The following STAMBPL1 variants were observed in gnomAD, a reference collection of about 807,000 sequenced individuals.
The protein encoded by STAMBPL1 is AMSH-like protease.
A neutral mutation model predicts 52.9 loss-of-function variants in STAMBPL1; 44 were observed. The ratio of observed to expected loss-of-function variants is 0.83; its 90% CI spans 0.65 to 1.07. The LOEUF (loss-of-function observed/expected upper bound fraction) is 1.07. Among genes scored for constraint, STAMBPL1 ranks in the 50% least tolerant of loss-of-function variants. The probability of loss-of-function intolerance (pLI) is 0.00; values close to 1 mark genes in which losing one functional copy is unlikely to be tolerated. For synonymous variants in STAMBPL1, 164 were observed against 177.3 expected (o/e 0.92, Z 0.60); for missense variants, 511 against 520.8 (o/e 0.98, Z 0.18).
intron 2 of STAMBPL1, among the ~76,000 whole-genome samples, chr10:88,902,598 C>T (rs777548428): frequency 2.0e-5 from 3 of 151,588 alleles, no homozygotes; most frequent in Admixed American, 6.6e-5. Context: ...GAGGCGGAGT[C>T]TCGCTCTGTC....
chr10:88,887,471 T>C (rs1005244051), intron 1 of STAMBPL1, among the ~76,000 whole-genome samples: 3 of 152,158 alleles, frequency 2.0e-5, no homozygotes, highest in Admixed American at 1.3e-4. Flanking sequence ...TAAGAAAATG[T>C]CCTCCATCCC....
intron 5 of STAMBPL1, 30 bp downstream of exon 5, chr10:88,911,041 A>C (rs1211672171): frequency 1.2e-5 from 17 of 1,364,578 alleles, no homozygotes; most frequent in South Asian, 4.1e-5. Context: ...TTATTTCATG[A>C]CTATTTTATG....
chr10:88,916,576 C>G, intron 7 of STAMBPL1, 104 bp from the exon 8 acceptor site: 1 of 1,190,278 alleles, frequency 8.4e-7, no homozygotes, highest in Non-Finnish European at 1.1e-6. Flanking sequence ...CTGGACACAC[C>G]CCCCTGCTGG....
chr10:88,896,862 G>GCA lies in STAMBPL1; in HGVS notation c.-53-4782_-53-4781dup, dbSNP rs139436965. On this transcript the variant is annotated intron_variant, in intron 1 of 10. Coordinates refer to ENST00000371926, the MANE Select transcript of STAMBPL1 (RefSeq NM_020799.4). Reference sequence around the variant, plus strand: ...CAAACACACACATACATGCACGCACGCACACACACACACTATTTTAAGAAA... The same window carrying GCA: ...CAAACACACACATACATGCACGCACGCACACACACACACACTATTTTAAGAAA... 4.1e-4 allele frequency among the ~76,000 whole-genome samples: 62 copies of GCA among 150,910 alleles called. No individual in the cohort carries two copies. The South Asian group carries it at 0.012, about 29-fold the overall frequency.
chr10:88,922,602 T>C (rs11596205), intron 10 of STAMBPL1, among the ~76,000 whole-genome samples, 166 bp downstream of exon 10: 14,312 of 152,294 alleles, frequency 0.094, 896 homozygotes, highest in Non-Finnish European at 0.14. Context: ...ATTTCTGATT[T>C]ATTCTCAAAA....
rs1348438291 is a variant in STAMBPL1 at position 88,910,900 on chromosome 10, T to A, written c.325-16T>A. 3 of 1,538,558 alleles carry A rather than the reference T, an allele frequency of 1.9e-6. No homozygotes were observed. The African/African-American group carries it at 4.2e-5, about 21-fold the overall frequency. ...TGAAAATCCCACTAATCAATATGTA[T>A]ATATATTTTTAAAAGAAACTGAAGG... On this transcript the variant is annotated splice_polypyrimidine_tract_variant and intron_variant, in intron 4 of 10. Transcript: ENST00000371926.
At chr10:88,921,780 G>T (rs1233835536) in intron 9 of STAMBPL1, among the ~76,000 whole-genome samples, 1 of 152,034 alleles carries the variant, frequency 6.6e-6, no homozygotes, top group African/African-American at 2.4e-5. Context: ...ATGAGCATGG[G>T]AATCAAAAAA....
At chr10:88,893,240 TC>T (rs1169687285) in intron 1 of STAMBPL1, among the ~76,000 whole-genome samples, 3 of 152,206 alleles carry the variant, frequency 2.0e-5, no homozygotes, top group Non-Finnish European at 4.4e-5. Context: ...ATTAATTGAA[TC>T]ATCACATTTA....
At chr10:88,894,589 A>G (rs1249930202) in intron 1 of STAMBPL1, among the ~76,000 whole-genome samples, 1 of 152,238 alleles carries the variant, frequency 6.6e-6, no homozygotes, top group Admixed American at 6.5e-5. Flanking sequence ...TTCATTCTGT[A>G]AATAATCTCA....
At chr10:88,910,866 A>G in intron 4 of STAMBPL1, 50 bp from the exon 5 acceptor site, 2 of 1,320,776 alleles carry the variant, frequency 1.5e-6, no homozygotes, top group East Asian at 2.6e-5. Flanking sequence ...ATGATCTGAA[A>G]GAGTGTATTG....
At chr10:88,896,484 C>T (rs2133148940) in intron 1 of STAMBPL1, among the ~76,000 whole-genome samples, 1 of 152,286 alleles carries the variant, frequency 6.6e-6, no homozygotes, top group Non-Finnish European at 1.5e-5. Flanking sequence ...TCTTTGTCTA[C>T]CTCCAACTGA....
intron 7 of STAMBPL1, among the ~76,000 whole-genome samples, chr10:88,916,365 A>G (rs1845369253): frequency 6.6e-6 from 1 of 151,584 alleles, no homozygotes; most frequent in South Asian, 2.1e-4. Context: ...TCATTTATTA[A>G]CTAAACTTCC....
At chr10:88,911,947 G>C (rs1845235752) in intron 5 of STAMBPL1, among the ~76,000 whole-genome samples, 1 of 152,196 alleles carries the variant, frequency 6.6e-6, no homozygotes, top group Admixed American at 6.5e-5. Context: ...TCCACGGTCA[G>C]CAATGTGTAT....
chr10:88,913,114 C>G lies in STAMBPL1; in HGVS notation c.434C>G (p.Ala145Gly). Residue 145 changes from alanine to glycine, a missense_variant, in exon 6 of 11, where the codon GCT becomes GGT. Ala to Gly is a moderately conservative substitution (Grantham distance 60). This residue lies in a region of STAMBPL1 where 358 missense variants were observed against 343.5 expected (regional missense o/e 1.04). Coordinates refer to ENST00000371926, the MANE Select transcript of STAMBPL1 (RefSeq NM_020799.4). Reference sequence around the variant, plus strand: ...CACACTTTTTAGAACAAATATAAAGCTGAAATTCTCAAAAAATTGGAGCAT... The same window carrying G: ...CACACTTTTTAGAACAAATATAAAGGTGAAATTCTCAAAAAATTGGAGCAT... ...EYLQSKNKYK[A>G]EILKKLEHQR... 6.3e-7 allele frequency: 1 copy of G among 1,595,662 alleles called. No individual in the cohort carries two copies. Among genetic ancestry groups the G allele is most frequent in the Non-Finnish European group, 8.5e-7 (1 of 1,171,586 alleles).
intron 1 of STAMBPL1, among the ~76,000 whole-genome samples, chr10:88,896,739 A>G (rs182093136): frequency 2.0e-4 from 30 of 152,130 alleles, no homozygotes; most frequent in Admixed American, 1.2e-3. Context: ...CTCTTAGGAG[A>G]CCGTTCACTG....
intron 1 of STAMBPL1, among the ~76,000 whole-genome samples, chr10:88,887,561 G>T (rs990851549): frequency 3.9e-5 from 6 of 152,136 alleles, no homozygotes; most frequent in African/African-American, 1.4e-4. Flanking sequence ...AAGGGTCGTG[G>T]TCTGTCACCC....
chr10:88,916,858 G>A, intron 8 of STAMBPL1, 41 bp downstream of exon 8: 2 of 1,453,062 alleles, frequency 1.4e-6, no homozygotes, highest in Non-Finnish European at 9.1e-7. Context: ...TTGTGTGTGT[G>A]GCATGCTATT....
chr10:88,903,597 A>AT (rs1482433211), intron 2 of STAMBPL1, among the ~76,000 whole-genome samples: 4 of 152,156 alleles, frequency 2.6e-5, no homozygotes, highest in African/African-American at 7.2e-5. Flanking sequence ...ATTTTCATAG[A>AT]TTTTTTTTCT....
At chr10:88,921,438 A>G (rs762638438) in intron 9 of STAMBPL1, 43 bp downstream of exon 9, 7 of 1,524,104 alleles carry the variant, frequency 4.6e-6, no homozygotes, top group Middle Eastern at 1.7e-4. Flanking sequence ...GGCTTTGTCC[A>G]GGGCTGCTGG....
Sources: allele counts gnomAD v4.1 joint callset (sites outside exome capture counted in the v4.1 genomes callset), GRCh38; gene constraint gnomAD v4.1.1; regional missense constraint gnomAD v4.1.1; transcripts MANE v1.5; gene names NCBI Gene and HGNC (gene_info 2026-07-23, HGNC 2026-07-21).